The following PTPA variants were observed in gnomAD, a reference collection of about 807,000 sequenced individuals.
The protein encoded by PTPA is serine/threonine-protein phosphatase 2A activator.
Under a neutral mutation model 43.6 loss-of-function variants are expected in PTPA, and 13 were observed. The observed-to-expected ratio is 0.30, with a 90% CI of 0.19 to 0.47. The LOEUF (loss-of-function observed/expected upper bound fraction) is 0.47. Ranked by LOEUF, PTPA falls within the 20% of genes least tolerant of loss-of-function variation. The pLI, the probability that PTPA is intolerant of heterozygous loss-of-function variation, is 0.99. For synonymous variants in PTPA, 172 were observed against 158.2 expected, an observed-to-expected ratio of 1.09 and a Z score of -0.66; for missense variants, 329 against 411.9, an observed-to-expected ratio of 0.80 and a Z score of 1.74.
intron 1 of PTPA, 89 bp from the exon 2 acceptor site, chr9:129,120,424 C>CAAAA: frequency 1.4e-5 from 9 of 661,448 alleles, no homozygotes; most frequent in African/African-American, 4.6e-5. Flanking sequence ...AACTCCGTCT[C>CAAAA]AAGAAAAAAA....
chr9:129,111,819 G>A (rs935209308), intron 1 of PTPA, 188 bp downstream of exon 1: 30 of 1,207,488 alleles, frequency 2.5e-5, no homozygotes, highest in Non-Finnish European at 2.9e-5. Flanking sequence ...GCTGGGGAGG[G>A]AACCAGGGGC....
At chr9:129,123,694 T>G (rs1037038894) in intron 3 of PTPA, among the ~76,000 whole-genome samples, 2 of 151,966 alleles carry the variant, frequency 1.3e-5, no homozygotes, top group African/African-American at 4.8e-5. Flanking sequence ...TCTTTTTTTT[T>G]TATTTTGAGA....
chr9:129,144,014 T>C (rs10760589), intron 9 of PTPA, among the ~76,000 whole-genome samples: 89,353 of 150,580 alleles, frequency 0.59, 28,468 homozygotes, highest in Non-Finnish European at 0.7. Context: ...GGCTGCCTTC[T>C]CTGCTTGGTA....
At chr9:129,127,239 A>T (rs1343817563) in intron 3 of PTPA, among the ~76,000 whole-genome samples, 2 of 152,196 alleles carry the variant, frequency 1.3e-5, no homozygotes, top group Non-Finnish European at 2.9e-5. Flanking sequence ...AGCAGCACTC[A>T]GGGCCGGTTT....
intron 5 of PTPA, among the ~76,000 whole-genome samples, chr9:129,134,131 A>G (rs1379969420): frequency 6.6e-6 from 1 of 152,116 alleles, no homozygotes; most frequent in Non-Finnish European, 1.5e-5. Flanking sequence ...TCTGAGGGCA[A>G]GGACTTACTT....
rs553374465 is a variant in PTPA, at chr9:129,126,730, C to T, written c.217-2255C>T. Among the ~76,000 whole-genome samples, 54 of 152,198 alleles carry T rather than the reference C, an allele frequency of 3.5e-4. 1 individual carries two copies. In the South Asian group the frequency reaches 9.1e-3, roughly 26 times the overall value. On this transcript the variant is annotated intron_variant, in intron 3 of 9. Transcript: ENST00000393370. Reference sequence around the variant, plus strand: ...AGAGCTGGAGTTGTTCTTTGTGCCTCGAAGGTGTTTCAGCCCCAGTTCCCT... The same window carrying T: ...AGAGCTGGAGTTGTTCTTTGTGCCTTGAAGGTGTTTCAGCCCCAGTTCCCT...
Position 129,134,296 on chromosome 9 carries a change from C to CTTTTTTT in PTPA, c.461-477_461-471dup, listed in dbSNP as rs68089837. 3.2e-4 allele frequency among the ~76,000 whole-genome samples: 18 copies of CTTTTTTT among 56,908 alleles called. 2 individuals are homozygous for CTTTTTTT. Among genetic ancestry groups the CTTTTTTT allele is most frequent in the African/African-American group, 1.0e-3 (13 of 12,792 alleles). The allele number at this position is 56,908 out of a possible 152,430, so 37.3% of individuals were successfully genotyped here. A position where few individuals can be genotyped will look rare whatever the true frequency, so the allele number is the denominator to read the frequency against. On this transcript the variant is annotated intron_variant, in intron 5 of 9. Coordinates refer to ENST00000393370, the MANE Select transcript of PTPA (RefSeq NM_178000.3). ...GAGTGGAATTATAGTACTGGTAGTT[C>CTTTTTTT]TTTTTTTTTTTTTTTTTTTTTTTTT...
intron 9 of PTPA, among the ~76,000 whole-genome samples, chr9:129,144,025 C>T (rs533982702): frequency 4.2e-4 from 63 of 151,512 alleles, no homozygotes; most frequent in African/African-American, 1.5e-3. Flanking sequence ...CTGCTTGGTA[C>T]CTGAAGTACT....
chr9:129,136,722 A>G lies in PTPA; in HGVS notation c.685+127A>G, dbSNP rs967961616. On this transcript the variant is annotated intron_variant, in intron 7 of 9. Transcript: ENST00000393370. ...CAGGGCAGACAGTGACAGCTTGGAAAGCAGGGCATTAGACCAGCTATTGAG... is the reference window on the plus strand; with the variant it reads ...CAGGGCAGACAGTGACAGCTTGGAAGGCAGGGCATTAGACCAGCTATTGAG... 3 of 1,238,664 alleles carry G rather than the reference A, an allele frequency of 2.4e-6. No homozygotes were observed. The African/African-American group carries it at 4.6e-5, about 19-fold the overall frequency. 76.7% of individuals were successfully genotyped at this position (1,238,664 alleles called of 1,614,324 possible).
At chr9:129,129,271 C>G (rs781441812) in intron 4 of PTPA, among the ~76,000 whole-genome samples, 161 bp downstream of exon 4, 16 of 152,130 alleles carry the variant, frequency 1.1e-4, no homozygotes, top group Non-Finnish European at 2.4e-4. Flanking sequence ...TGAGTTTATA[C>G]TCTGCTTGGT....
chr9:129,112,204 G>T (rs1848561504), intron 1 of PTPA, among the ~76,000 whole-genome samples: 1 of 152,194 alleles, frequency 6.6e-6, no homozygotes, highest in Non-Finnish European at 1.5e-5. Context: ...GGCTGGTTGT[G>T]CAAGGAGGTT....
Position 129,143,991 on chromosome 9 carries a change from A to G in PTPA, c.894+1439A>G, listed in dbSNP as rs568074835. Among the ~76,000 whole-genome samples, 373 of 151,516 alleles carry G rather than the reference A, an allele frequency of 2.5e-3. 3 individuals carry two copies. The highest frequency in any genetic ancestry group is 4.1e-3 in the Non-Finnish European group (279 of 67,912). On this transcript the variant is annotated intron_variant, in intron 9 of 9. Transcript: ENST00000393370. Reference sequence around the variant, plus strand: ...TCCCAACCCCAACCCTTGTGTGCCAAAGAGAGGACTCTGGCTGCCTTCTCT... The same window carrying G: ...TCCCAACCCCAACCCTTGTGTGCCAGAGAGAGGACTCTGGCTGCCTTCTCT...
At chr9:129,132,707 T>C (rs1351532609) in intron 5 of PTPA, among the ~76,000 whole-genome samples, 1 of 152,208 alleles carries the variant, frequency 6.6e-6, no homozygotes, top group Non-Finnish European at 1.5e-5. Flanking sequence ...GGTCTCGAAC[T>C]CCTGACCTCT....
At chr9:129,128,068 G>T in intron 3 of PTPA, 1 of 1,326,784 alleles carries the variant, frequency 7.5e-7, no homozygotes, top group East Asian at 5.0e-5. Context: ...CACCTTCGGA[G>T]GTATTTATCA....
At chr9:129,111,287 C>G, upstream of PTPA, 2 of 1,185,508 alleles carry the variant, frequency 1.7e-6, no homozygotes, top group Non-Finnish European at 2.1e-6. Context: ...CGGCCGTGAG[C>G]GGTCCTAGCG....
At chr9:129,127,909 C>A (rs374348943) in intron 3 of PTPA, 19 of 1,155,008 alleles carry the variant, frequency 1.6e-5, no homozygotes, top group Middle Eastern at 4.8e-4. Flanking sequence ...TGCAGTGGCA[C>A]GATGAAATGT....
In PTPA at chr9:129,142,322, T is replaced by TTG. The variant is rs1173420877; in HGVS notation, c.787-118_787-117dup. 1.2e-4 allele frequency: 102 copies of TTG among 856,728 alleles called. No homozygotes were observed. The East Asian group carries it at 2.4e-3, about 20-fold the overall frequency. The allele number at this position is 856,728 out of a possible 1,614,324, so 53.1% of individuals were successfully genotyped here. On this transcript the variant is annotated intron_variant, in intron 8 of 9. Coordinates refer to ENST00000393370, the MANE Select transcript of PTPA (RefSeq NM_178000.3). ...TGGTCCCCAAGTGTCTGCGCGTGCA[T>TTG]TGTGTGCGTGTGCGTTTGTGTGTGT...
rs1256529517 is a variant in PTPA, at chr9:129,120,424, CAAGAA to C, written c.32-86_32-82del. On this transcript the variant is annotated intron_variant, in intron 1 of 9. Transcript: ENST00000393370. Reference sequence around the variant, plus strand: ...GGGCAACAAGAGCAAAACTCCGTCTCAAGAAAAAAAAAAAAGGTGAAAGGGAGTGT... The same window carrying C: ...GGGCAACAAGAGCAAAACTCCGTCTCAAAAAAAAAAGGTGAAAGGGAGTGT... The C allele has an allele frequency of 1.5e-4, 99 of 662,550 alleles. 3 individuals are homozygous for C. Among genetic ancestry groups the C allele is most frequent in the Non-Finnish European group, 1.9e-4 (89 of 457,536 alleles). 41.0% of individuals were successfully genotyped at this position (662,550 alleles called of 1,614,324 possible).
At chr9:129,132,040 C>A (rs1374690729) in intron 5 of PTPA, among the ~76,000 whole-genome samples, 1 of 152,276 alleles carries the variant, frequency 6.6e-6, no homozygotes, top group Non-Finnish European at 1.5e-5. Context: ...TTTGCAGTGT[C>A]GTGGCACACC....
Sources: gnomAD v4.1 joint callset for allele counts (sites outside exome capture counted in the v4.1 genomes callset) on GRCh38, gnomAD v4.1.1 for gene constraint, MANE v1.5 for transcripts, NCBI Gene and HGNC (gene_info 2026-07-23, HGNC 2026-07-21) for gene names.